The following QTRT1 variants were observed in gnomAD, a reference collection of about 807,000 sequenced individuals.
QTRT1 encodes the protein queuine tRNA-ribosyltransferase catalytic subunit 1, also known as TGT, 43-KD subunit.
Under a neutral mutation model 44.0 loss-of-function variants are expected in QTRT1, and 41 were observed. The ratio of observed to expected loss-of-function variants is 0.93; its 90% CI spans 0.73 to 1.21. The LOEUF is 1.21. Among genes scored for constraint, QTRT1 ranks in the 50% most tolerant of loss-of-function variants. The pLI, the probability that QTRT1 is intolerant of heterozygous loss-of-function variation, is 0.00. For synonymous variants in QTRT1, 226 were observed against 237.1 expected, an observed-to-expected ratio of 0.95 and a Z score of 0.43; for missense variants, 542 against 575.8, an observed-to-expected ratio of 0.94 and a Z score of 0.60.
intron 3 of QTRT1, among the ~76,000 whole-genome samples, chr19:10,705,349 C>T (rs1190301767): frequency 6.6e-6 from 1 of 151,942 alleles, no homozygotes; most frequent in African/African-American, 2.4e-5. Context: ...AGCACTTCTC[C>T]TGCTGCAGCC....
At chr19:10,709,985 T>C (rs1383526859) in intron 5 of QTRT1, among the ~76,000 whole-genome samples, 1 of 151,990 alleles carries the variant, frequency 6.6e-6, no homozygotes, top group East Asian at 1.9e-4. Context: ...CACTCCAGCC[T>C]GGGCGACAGA....
In QTRT1 at chr19:10,707,290, T is replaced by C. The variant is rs761030515; in HGVS notation, c.452-12T>C. On this transcript the variant is annotated splice_polypyrimidine_tract_variant and intron_variant, in intron 3 of 9. Transcript: ENST00000250237. ...GGCTTTCCCAGTGATGTTGCCCCCATCTCACCATCAGGCTCGGACATCATC... is the reference window on the plus strand; with the variant it reads ...GGCTTTCCCAGTGATGTTGCCCCCACCTCACCATCAGGCTCGGACATCATC... The C allele has an allele frequency of 6.2e-7, 1 of 1,613,870 alleles. No individual in the cohort carries two copies. Among genetic ancestry groups the C allele is most frequent in the East Asian group, 2.2e-5 (1 of 44,878 alleles).
intron 5 of QTRT1, among the ~76,000 whole-genome samples, chr19:10,707,972 G>C (rs557793522): frequency 1.3e-5 from 2 of 150,344 alleles, no homozygotes; most frequent in Non-Finnish European, 3.0e-5. Flanking sequence ...TTGGAGGGTG[G>C]AGTCTTGCAC....
intron 5 of QTRT1, among the ~76,000 whole-genome samples, chr19:10,710,150 A>C (rs1205213579): frequency 6.6e-6 from 1 of 152,054 alleles, no homozygotes; most frequent in Non-Finnish European, 1.5e-5. Context: ...ACATCACTGT[A>C]CTGCAGTCTG....
At chr19:10,707,175 G>C (rs2068717544) in intron 3 of QTRT1, 127 bp from the exon 4 acceptor site, 8 of 890,198 alleles carry the variant, frequency 9.0e-6, no homozygotes, top group African/African-American at 3.2e-5. Context: ...GGAAAGTCAC[G>C]TGGGAGTTAG....
intron 3 of QTRT1, among the ~76,000 whole-genome samples, chr19:10,704,539 C>T (rs1447350582): frequency 1.3e-5 from 2 of 151,894 alleles, no homozygotes; most frequent in Non-Finnish European, 2.9e-5. Flanking sequence ...CGTGATTCGC[C>T]CATCTCGGCC....
Position 10,702,222 on chromosome 19 carries a change from C to G in QTRT1, c.419C>G (p.Pro140Arg). 1.2e-6 allele frequency: 2 copies of G among 1,614,114 alleles called. No homozygotes were observed. Among genetic ancestry groups the G allele is most frequent in the Non-Finnish European group, 1.7e-6 (2 of 1,180,028 alleles). Residue 140 changes from proline to arginine, a missense_variant, in exon 3 of 10, where the codon CCG becomes CGG. Physicochemically the swap from Pro to Arg is moderately radical, Grantham distance 103. Transcript: ENST00000250237. ...GACGGCAATGAGACCCTGCTGAGCC[C>G]GGAGAAATCCGTGCAGATCCAGAAT... ...PYDGNETLLS[P>R]EKSVQIQNAL...
At position 10,702,125 on chromosome 19, in the gene QTRT1, G is replaced by A. The variant is rs1375147599; in HGVS notation, c.322G>A (p.Gly108Ser). 1 of 1,614,142 alleles carries A rather than the reference G, an allele frequency of 6.2e-7. No individual in the cohort carries two copies. Among genetic ancestry groups the A allele is most frequent in the South Asian group, 1.1e-5 (1 of 91,082 alleles). The change falls in exon 3 of 10, where the codon GGT (glycine) becomes AGT (serine). Residue 108 changes from glycine (G) to serine (S), a missense_variant. Gly to Ser is a moderately conservative substitution (Grantham distance 56). Transcript: ENST00000250237. ...GTGGGGTTTCCCTTAGGACAGCGGC[G>A]GTTTCCAGATGGTGTCGCTGGTGTC... is the stretch of plus-strand genomic sequence containing the variant. ...WPHNLLTDSG[G>S]FQMVSLVSLS...
rs2068745467 is a variant in QTRT1 at position 10,712,883 on chromosome 19, C to G, written c.971+16C>G. On this transcript the variant is annotated intron_variant, in intron 8 of 9. Transcript: ENST00000250237. This position sits in a 1 kb window ranked among gnomAD's most constrained non-coding sequence, Gnocchi z 5.6. ...CGTGCCAAAAGTAGGCAGGATGGCA[C>G]TGGGAGCTGGGGCAGGGCATGGAGG... 6.2e-7 allele frequency: 1 copy of G among 1,613,176 alleles called. No individual in the cohort carries two copies. The highest frequency in any genetic ancestry group is 8.5e-7 in the Non-Finnish European group (1 of 1,179,400).
chr19:10,713,246 C>T lies in QTRT1; in HGVS notation c.1188C>T (p.Ala396=), dbSNP rs181143144. 85 of 1,595,328 alleles carry T rather than the reference C, an allele frequency of 5.3e-5. No homozygotes were observed. In the Admixed American group the frequency reaches 1.4e-3, roughly 27 times the overall value. Residue 396 remains alanine (A), a synonymous_variant, in exon 10 of 10, where the codon GCC becomes GCT. Transcript: ENST00000250237. This position sits in a 1 kb window ranked among gnomAD's most constrained non-coding sequence, Gnocchi z 4.3. ...LCPTWATDAL[A]SVGITLG is the part of the protein sequence containing the mutation. ...CCACCTGGGCCACTGACGCTCTGGCCTCTGTGGGAATCACACTGGGCTGAC... is the reference window on the plus strand; with the variant it reads ...CCACCTGGGCCACTGACGCTCTGGCTTCTGTGGGAATCACACTGGGCTGAC...
chr19:10,707,945 TTTTAC>T (rs1186797510), intron 5 of QTRT1, among the ~76,000 whole-genome samples: 2 of 150,596 alleles, frequency 1.3e-5, no homozygotes, highest in East Asian at 3.9e-4. Flanking sequence ...TATTTATTTA[TTTTAC>T]TTTTTTTTTT....
chr19:10,712,173 G>A lies in QTRT1; in HGVS notation c.659G>A (p.Arg220Gln), dbSNP rs752392015. The A allele has an allele frequency of 7.4e-6, 12 of 1,612,998 alleles. No individual in the cohort carries two copies. The highest frequency in any genetic ancestry group is 3.3e-5 in the Admixed American group (2 of 60,018). The change falls in exon 6 of 10, where the codon CGA becomes CAA. Residue 220 changes from arginine to glutamine, a missense_variant. Arg to Gln is a conservative substitution (Grantham distance 43). Transcript: ENST00000250237. This position sits in a 1 kb window ranked among gnomAD's most constrained non-coding sequence, Gnocchi z 5.6. ...CCTGTACCCTCAGAGATGACCAAGC[G>A]AGACGTGCCTGGCTTCGCCATCGGG... ...RATCLEEMTK[R>Q]DVPGFAIGGL... is the part of the protein sequence containing the mutation.
At chr19:10,701,844 G>C in intron 1 of QTRT1, 106 bp from the exon 2 acceptor site, 1 of 1,574,438 alleles carries the variant, frequency 6.4e-7, no homozygotes, top group South Asian at 1.1e-5. Context: ...GCCTTGTACT[G>C]GGCGTGAAAG....
intron 3 of QTRT1, among the ~76,000 whole-genome samples, chr19:10,703,512 T>C (rs1282669711): frequency 6.6e-6 from 1 of 152,080 alleles, no homozygotes; most frequent in African/African-American, 2.4e-5. Flanking sequence ...AAAACCCTTA[T>C]AAGAAAAGAA....
chr19:10,703,054 C>T (rs1314804916), intron 3 of QTRT1, among the ~76,000 whole-genome samples: 3 of 143,954 alleles, frequency 2.1e-5, no homozygotes, highest in Non-Finnish European at 4.5e-5. Context: ...CAGGCGTGAG[C>T]CACCACACCT....
rs371403160 is a variant in QTRT1, at chr19:10,712,665, G to A, written c.861+37G>A. 1.5e-5 allele frequency: 20 copies of A among 1,346,022 alleles called. No homozygotes were observed. The African/African-American group carries it at 1.7e-4, about 11-fold the overall frequency. 83.4% of individuals were successfully genotyped at this position (1,346,022 alleles called of 1,614,324 possible). A position where few individuals can be genotyped will look rare whatever the true frequency, so the allele number is the denominator to read the frequency against. On this transcript the variant is annotated intron_variant, in intron 7 of 9. Transcript: ENST00000250237. The surrounding 1 kb of genome is among the most constrained non-coding windows in gnomAD (Gnocchi z 5.6). ...GCAGAAGGAGGTCAGGGCGGGAGAC[G>A]GGTGGGGGACTAGGGAGGCAAGGTT...
rs1213832381 is a variant in QTRT1 at position 10,707,489 on chromosome 19, C to T, written c.531-11C>T. On this transcript the variant is annotated splice_polypyrimidine_tract_variant and intron_variant, in intron 4 of 9. Transcript: ENST00000250237. The stretch of plus-strand genomic sequence containing the variant: ...AGGCCCCTGGGGCTTGTGACTGGGG[C>T]CCTGTTGCAGGTCAATCCGCTGGCT... 2 of 1,610,368 alleles carry T rather than the reference C, an allele frequency of 1.2e-6. No homozygotes were observed. The highest frequency in any genetic ancestry group is 8.5e-7 in the Non-Finnish European group (1 of 1,177,214).
rs2068717700 is a variant in QTRT1 at position 10,707,200 on chromosome 19, G to C, written c.452-102G>C. The C allele has an allele frequency of 4.3e-6, 5 of 1,157,106 alleles. No homozygotes were observed. The South Asian group carries it at 6.3e-5, about 15-fold the overall frequency. 71.7% of individuals were successfully genotyped at this position (1,157,106 alleles called of 1,614,324 possible). On this transcript the variant is annotated intron_variant, in intron 3 of 9. Transcript: ENST00000250237. ...GTGGGAGTTAGCAAGACGGGGGATG[G>C]GGGGATGCTCTTGGGGAAGTCCAAC...
At position 10,712,731 on chromosome 19, in the gene QTRT1, C is replaced by T; in HGVS notation, c.862-27C>T. 5 of 1,602,546 alleles carry T rather than the reference C, an allele frequency of 3.1e-6. No homozygotes were observed. Among genetic ancestry groups the T allele is most frequent in the Non-Finnish European group, 4.3e-6 (5 of 1,169,790 alleles). On this transcript the variant is annotated intron_variant, in intron 7 of 9. Coordinates refer to ENST00000250237, the MANE Select transcript of QTRT1 (RefSeq NM_031209.3). The surrounding 1 kb of genome is among the most constrained non-coding windows in gnomAD (Gnocchi z 5.6). ...GGAGAATGAAGCCCTGGGTGACGCC[C>T]CTTTCCCTGCCCTTCCTCTCCCACA... is the stretch of plus-strand genomic sequence containing the variant.
Sources: gnomAD v4.1 joint callset for allele counts (sites outside exome capture counted in the v4.1 genomes callset) on GRCh38, gnomAD v4.1.1 for gene constraint, Gnocchi (gnomAD v3.1) non-coding constraint, MANE v1.5 for transcripts, NCBI Gene and HGNC (gene_info 2026-07-23, HGNC 2026-07-21) for gene names.